IKBKB-DT: variants seen among roughly 807,000 people sequenced by gnomAD.
IKBKB-DT encodes the protein IKBKB antisense RNA.
At chr8:42,255,377 G>A (rs539204155) in intron 3 of IKBKB-DT, 3 of 152,132 alleles carry the variant, frequency 2.0e-5, no homozygotes, top group Non-Finnish European at 4.4e-5. Flanking sequence ...GACTTTCCAA[G>A]TCTCTCAAGA....
intron 3 of IKBKB-DT, among the ~76,000 whole-genome samples, chr8:42,247,744 G>T (rs1171996096): frequency 1.3e-5 from 2 of 152,118 alleles, no homozygotes; most frequent in Non-Finnish European, 2.9e-5. Flanking sequence ...AGATCTGATT[G>T]TTTTATAAGT....
chr8:42,238,532 T>C (rs961106038), intron 3 of IKBKB-DT, among the ~76,000 whole-genome samples: 4 of 152,234 alleles, frequency 2.6e-5, no homozygotes, highest in African/African-American at 7.2e-5. Flanking sequence ...GATGCAGGTG[T>C]AGTTAAATGA....
rs186634709 is a variant in IKBKB-DT, at chr8:42,239,344, C to T, written n.1530-5485G>A. Among the ~76,000 whole-genome samples the T allele has an allele frequency of 3.9e-4, 59 of 151,826 alleles. 1 individual carries two copies. The highest frequency in any genetic ancestry group is 6.6e-4 in the Admixed American group (10 of 15,196). ...CCATCTCCTTCTCGCTCCCTTTAGC[C>T]GCCCTCTGGGCCACTGCGTCTGCCA... On this transcript the variant is annotated intron_variant and non_coding_transcript_variant, in intron 3 of 3. Transcript: ENST00000518213.
Position 42,240,373 on chromosome 8 carries a change from C to T in IKBKB-DT, n.1530-6514G>A, listed in dbSNP as rs186754035. On this transcript the variant is annotated intron_variant and non_coding_transcript_variant, in intron 3 of 3. Transcript: ENST00000518213. ...GGCACAGTGGCTCACACCTGCAATC[C>T]CAGCACTTTGGGAGGCCGAGGCGGG... Among the ~76,000 whole-genome samples, 768 of 151,956 alleles carry T rather than the reference C, an allele frequency of 5.1e-3. 14 individuals carry two copies. Among genetic ancestry groups the T allele is most frequent in the African/African-American group, 0.018 (726 of 41,436 alleles).
At position 42,245,550 on chromosome 8, in the gene IKBKB-DT, C is replaced by T. The variant is rs1807052725; in HGVS notation, n.1530-11691G>A. On this transcript the variant is annotated intron_variant and non_coding_transcript_variant, in intron 3 of 3. Transcript: ENST00000518213. ...AGAATCACACAGCCAGGCAGAGTAA[C>T]GCAGGTTCTGTCTGAACACACTTGG... Among the ~76,000 whole-genome samples, 5 of 152,164 alleles carry T rather than the reference C, an allele frequency of 3.3e-5. No homozygotes were observed. In the South Asian group the frequency reaches 8.3e-4, roughly 25 times the overall value.
chr8:42,246,472 A>T (rs975322852), intron 3 of IKBKB-DT, among the ~76,000 whole-genome samples: 1 of 152,172 alleles, frequency 6.6e-6, no homozygotes, highest in Non-Finnish European at 1.5e-5. Context: ...ATTGTTTTGC[A>T]CTTTAAAAAT....
At chr8:42,238,206 T>C (rs1396905646) in intron 3 of IKBKB-DT, among the ~76,000 whole-genome samples, 1 of 151,880 alleles carries the variant, frequency 6.6e-6, no homozygotes, top group Non-Finnish European at 1.5e-5. Context: ...AATGAGTCCC[T>C]ACCCTTGAGA....
chr8:42,270,984 G>A lies in IKBKB-DT; in HGVS notation n.270C>T, dbSNP rs376784960. On this transcript the variant is annotated non_coding_transcript_exon_variant, in exon 1 of 4. Coordinates refer to ENST00000518213, the Ensembl canonical transcript of IKBKB-DT. ...CCTAAATCATCCCAGCGGGGGCGCG[G>A]GAAATTCCACCGAGGTGAAAGCCTA... 1.4e-4 allele frequency: 29 copies of A among 214,200 alleles called. No individual in the cohort carries two copies. The East Asian group carries it at 3.6e-3, about 27-fold the overall frequency. 13.3% of individuals were successfully genotyped at this position (214,200 alleles called of 1,614,324 possible).
At chr8:42,264,466 T>A (rs1021393056) in intron 2 of IKBKB-DT, among the ~76,000 whole-genome samples, 3 of 152,218 alleles carry the variant, frequency 2.0e-5, no homozygotes, top group Non-Finnish European at 4.4e-5. Context: ...AGAGATGTTT[T>A]TTGTTGTTGC....
chr8:42,254,083 G>A (rs1189038401), intron 3 of IKBKB-DT, among the ~76,000 whole-genome samples: 4 of 152,140 alleles, frequency 2.6e-5, no homozygotes, highest in East Asian at 1.9e-4. Context: ...TCTTTATTAC[G>A]GCTAGCAGAT....
chr8:42,266,030 A>G (rs1658441467), exon 2 of IKBKB-DT: 1 of 152,214 alleles, frequency 6.6e-6, no homozygotes, highest in East Asian at 1.9e-4. Context: ...GCCCACCCTC[A>G]TCTCCCACCA....
intron 3 of IKBKB-DT, among the ~76,000 whole-genome samples, chr8:42,256,559 C>T (rs1254290477): frequency 6.6e-6 from 1 of 151,908 alleles, no homozygotes; most frequent in Admixed American, 6.6e-5. Flanking sequence ...GCAACAAGAG[C>T]AAAACTCCAT....
chr8:42,270,586 T>C (rs889165095), intron 1 of IKBKB-DT: 2 of 152,230 alleles, frequency 1.3e-5, no homozygotes, highest in East Asian at 1.9e-4. Flanking sequence ...GCTATTATTA[T>C]CATCTTCAGG....
intron 3 of IKBKB-DT, among the ~76,000 whole-genome samples, chr8:42,259,170 C>T (rs1488235177): frequency 6.6e-6 from 1 of 152,116 alleles, no homozygotes; most frequent in East Asian, 1.9e-4. Context: ...GGATTAAAGG[C>T]ATGCACCACC....
chr8:42,257,663 G>GTGGC (rs947884773), intron 3 of IKBKB-DT, among the ~76,000 whole-genome samples: 10 of 152,096 alleles, frequency 6.6e-5, no homozygotes, highest in Non-Finnish European at 1.2e-4. Context: ...GCTGGGCTCA[G>GTGGC]TGGCTCATGC....
At chr8:42,258,468 CTTTT>C (rs1333571105) in intron 3 of IKBKB-DT, among the ~76,000 whole-genome samples, 3 of 142,344 alleles carry the variant, frequency 2.1e-5, no homozygotes, top group Non-Finnish European at 3.1e-5. Context: ...GTCTTTCTTT[CTTTT>C]TTTTTTTTTT....
At chr8:42,238,877 A>C (rs1806958327) in intron 3 of IKBKB-DT, among the ~76,000 whole-genome samples, 1 of 152,166 alleles carries the variant, frequency 6.6e-6, no homozygotes, top group African/African-American at 2.4e-5. Context: ...TAAATTATCC[A>C]TAAAATCCCT....
chr8:42,262,525 C>T (rs1473227408), intron 3 of IKBKB-DT, among the ~76,000 whole-genome samples: 2 of 151,480 alleles, frequency 1.3e-5, no homozygotes, highest in African/African-American at 2.4e-5. Flanking sequence ...CTGCAAGCTC[C>T]GCCTCCTGGG....
chr8:42,253,601 CAA>C (rs1807156676), intron 3 of IKBKB-DT, among the ~76,000 whole-genome samples: 1 of 152,162 alleles, frequency 6.6e-6, no homozygotes, highest in Non-Finnish European at 1.5e-5. Context: ...AACAAAACTT[CAA>C]AGACAATGAA....
Sources: allele counts gnomAD v4.1 joint callset (sites outside exome capture counted in the v4.1 genomes callset), GRCh38; gene constraint gnomAD v4.1.1; transcripts MANE v1.5; gene names NCBI Gene and HGNC (gene_info 2026-07-23, HGNC 2026-07-21).